The following LY9 variants were observed in gnomAD, a reference collection of about 807,000 sequenced individuals.
LY9 encodes T-lymphocyte surface antigen Ly-9.
In LY9, 59 loss-of-function variants were observed where a neutral mutation model predicts 64.6. The observed-to-expected ratio is 0.91, with a 90% confidence interval of 0.74 to 1.13. The LOEUF (loss-of-function observed/expected upper bound fraction) is 1.13. Ranked by LOEUF, LY9 falls within the 50% of genes most tolerant of loss-of-function variation. The pLI is 0.00. For missense variants in LY9, 789 were observed against 797.2 expected (o/e 0.99, Z 0.12); for synonymous variants, 281 against 308.5 (o/e 0.91, Z 0.93).
chr1:160,813,505 A>T (rs1261043910), intron 2 of LY9, 131 bp from the exon 3 acceptor site: 18 of 804,792 alleles, frequency 2.2e-5, no homozygotes, highest in Non-Finnish European at 3.3e-5. Context: ...TGCAGAGAAG[A>T]TGTCCCTGCG....
At chr1:160,811,357 C>T (rs899312979) in intron 2 of LY9, 1 of 152,238 alleles carries the variant, frequency 6.6e-6, no homozygotes, top group African/African-American at 2.4e-5. Context: ...AATCTCATAA[C>T]CTCTTTAGCA....
chr1:160,805,908 G>A (rs910367187), intron 2 of LY9, among the ~76,000 whole-genome samples: 1 of 144,424 alleles, frequency 6.9e-6, no homozygotes, highest in African/African-American at 2.6e-5. Flanking sequence ...TTACATAATG[G>A]CATTCTTTGT....
Position 160,801,722 on chromosome 1 carries a change from G to T in LY9, c.454+1640G>T. The T allele has an allele frequency of 2.4e-6, 3 of 1,261,672 alleles. No homozygotes were observed. The South Asian group carries it at 3.7e-5, about 15-fold the overall frequency. The allele number at this position is 1,261,672 out of a possible 1,614,324, so 78.2% of individuals were successfully genotyped here. On this transcript the variant is annotated intron_variant, in intron 2 of 9. Coordinates refer to ENST00000263285, the MANE Select transcript of LY9 (RefSeq NM_002348.4). The stretch of plus-strand genomic sequence containing the variant: ...AAGTCTTTTAACTGATTTTGAGGAG[G>T]TTTTTTATATGATGAGAAATAGGGG...
At chr1:160,818,348 C>A (rs764960027) in intron 6 of LY9, 29 bp downstream of exon 6, 31 of 1,526,864 alleles carry the variant, frequency 2.0e-5, no homozygotes, top group Non-Finnish European at 2.7e-5. Context: ...TGTTGTCCGC[C>A]AGTGCTAGGC....
At chr1:160,827,671 C>T in intron 9 of LY9, 77 bp from the exon 10 acceptor site, 1 of 1,178,580 alleles carries the variant, frequency 8.5e-7, no homozygotes, top group Non-Finnish European at 1.2e-6. Flanking sequence ...ATAGCCTGGC[C>T]TTGCCTTCCT....
rs765047414 is a variant in LY9 at position 160,823,687 on chromosome 1, A to G, written c.1721A>G (p.Asp574Gly). 17 of 1,613,816 alleles carry G rather than the reference A, an allele frequency of 1.1e-5. 1 individual carries two copies. In the African/African-American group the frequency reaches 2.3e-4, roughly 22 times the overall value. Residue 574 changes from aspartate to glycine, a missense_variant, in exon 8 of 10, where the codon GAC becomes GGC. Physicochemically the swap from Asp to Gly is moderately conservative, Grantham distance 94 (BLOSUM62 -1). Transcript: ENST00000263285. ...GTCACTCAGGAGGGCGCTGGACATG[A>G]CCCAGCCCCTGAGGGCCAAGCAGAC... ...DQVTQEGAGH[D>G]PAPEGQADYD... is the part of the protein sequence containing the mutation.
rs759183419 is a variant in LY9 at position 160,813,750 on chromosome 1, G to T, written c.569G>T (p.Ser190Ile). The change falls in exon 3 of 10, where the codon AGC (serine) becomes ATC (isoleucine). Residue 190 changes from serine to isoleucine, a missense_variant. By Grantham distance (142) the Ser-to-Ile change is moderately radical (BLOSUM62 -2). Transcript: ENST00000263285. ...GGGGCAGAGAAAAGTGTTCTGTACA[G>T]CTGGACCCCAAGGGAACCCCATGCT... ...VKGAEKSVLY[S>I]WTPREPHASE... 1.9e-6 allele frequency: 3 copies of T among 1,614,182 alleles called. No individual in the cohort carries two copies. The East Asian group carries it at 6.7e-5, about 36-fold the overall frequency.
rs143300122 is a variant in LY9 at position 160,823,562 on chromosome 1, C to T, written c.1596C>T (p.Thr532=). Residue 532 remains threonine (T), a synonymous_variant, in exon 8 of 10, where the codon ACC becomes ACT. Coordinates refer to ENST00000263285, the MANE Select transcript of LY9 (RefSeq NM_002348.4). ...CTGCCAGGCAACAGCCTACACCCAC[C>T]TCAGACAGCAGCTCTGACAGCAACC... ...LRPARQQPTP[T]SDSSSDSNLT... is the part of the protein sequence containing the mutation. 5.1e-5 allele frequency: 82 copies of T among 1,614,188 alleles called. No individual in the cohort carries two copies. The African/African-American group carries it at 9.3e-4, about 18-fold the overall frequency.
intron 2 of LY9, among the ~76,000 whole-genome samples, chr1:160,801,012 G>T (rs1483090836): frequency 6.6e-6 from 1 of 152,200 alleles, no homozygotes; most frequent in Non-Finnish European, 1.5e-5. Flanking sequence ...GAATAGTGCT[G>T]CAATAAACAT....
intron 2 of LY9, chr1:160,802,208 C>T: frequency 8.7e-7 from 1 of 1,151,528 alleles, no homozygotes; most frequent in Non-Finnish European, 1.1e-6. Flanking sequence ...GGTCTTTCTC[C>T]GCTTGGATTT....
At chr1:160,820,524 G>T (rs535698615) in intron 7 of LY9, among the ~76,000 whole-genome samples, 1 of 152,292 alleles carries the variant, frequency 6.6e-6, no homozygotes, top group Non-Finnish European at 1.5e-5. Flanking sequence ...TGACGATATG[G>T]GCTCTTCTGA....
chr1:160,827,698 T>A (rs1386888169), intron 9 of LY9, 50 bp from the exon 10 acceptor site: 4 of 1,443,172 alleles, frequency 2.8e-6, no homozygotes, highest in South Asian at 2.5e-5. Flanking sequence ...TCAGCCTCAC[T>A]CTTCCAAGGC....
intron 2 of LY9, chr1:160,811,128 G>T (rs1026290096): frequency 2.0e-5 from 3 of 152,258 alleles, no homozygotes; most frequent in African/African-American, 7.2e-5. Flanking sequence ...CCTACCCAAG[G>T]CTTGTGCCCT....
At chr1:160,814,003 GGGGGT>G (rs1667734663) in intron 3 of LY9, 92 bp downstream of exon 3, 3 of 1,376,778 alleles carry the variant, frequency 2.2e-6, no homozygotes, top group Non-Finnish European at 3.0e-6. Flanking sequence ...CAGACACACA[GGGGGT>G]GGGGAAGCAA....
At chr1:160,808,122 C>T (rs1210255603) in intron 2 of LY9, among the ~76,000 whole-genome samples, 1 of 152,200 alleles carries the variant, frequency 6.6e-6, no homozygotes, top group African/African-American at 2.4e-5. Context: ...CAAGCCAGCA[C>T]TAGCTGCAGG....
rs1391551051 is a variant in LY9 at position 160,823,750 on chromosome 1, CTG to C, written c.1787_1788del (p.Val596GlyfsTer46). 10 of 1,614,040 alleles carry C rather than the reference CTG, an allele frequency of 6.2e-6. No individual in the cohort carries two copies. The highest frequency in any genetic ancestry group is 3.3e-5 in the Admixed American group (2 of 59,998). On this transcript the variant is annotated frameshift_variant, in exon 8 of 10. Coordinates refer to ENST00000263285, the MANE Select transcript of LY9 (RefSeq NM_002348.4). LOFTEE classifies it high-confidence loss of function. ...ACTCCATATGTCACGGAAGTTGAGT[CTG>C]TGGTTGGAGAGAACACCATGTATGC...
chr1:160,824,108 C>A, intron 8 of LY9, 73 bp from the exon 9 acceptor site: 5 of 1,594,860 alleles, frequency 3.1e-6, no homozygotes, highest in Non-Finnish European at 4.3e-6. Flanking sequence ...ATCCCCTCTC[C>A]TCAAGGGTTG....
chr1:160,804,430 G>C (rs1020278331), intron 2 of LY9, among the ~76,000 whole-genome samples: 6 of 152,048 alleles, frequency 3.9e-5, no homozygotes, highest in Non-Finnish European at 8.8e-5. Context: ...TGCATCCCTG[G>C]GATAAATCCC....
Position 160,824,244 on chromosome 1 carries a change from C to G in LY9, c.1894C>G (p.Pro632Ala), listed in dbSNP as rs748118581. The part of the protein sequence containing the change: ...SATIYCSIRK[P>A]QVVPPPQQND... ...CACAATCTACTGCTCCATACGGAAA[C>G]CTCAGGTGGTGAGAACTACATTCTC... is the stretch of plus-strand genomic sequence containing the variant. The change falls in exon 9 of 10, where the codon CCT becomes GCT. Residue 632 changes from proline (P) to alanine (A), a missense_variant. Pro to Ala is a conservative substitution (Grantham distance 27). Coordinates refer to ENST00000263285, the MANE Select transcript of LY9 (RefSeq NM_002348.4). The G allele has an allele frequency of 6.2e-7, 1 of 1,614,182 alleles. No homozygotes were observed. The highest frequency in any genetic ancestry group is 8.5e-7 in the Non-Finnish European group (1 of 1,180,020).
Sources: gnomAD v4.1 joint callset for allele counts (sites outside exome capture counted in the v4.1 genomes callset) on GRCh38, gnomAD v4.1.1 for gene constraint, MANE v1.5 for transcripts, NCBI Gene and HGNC (gene_info 2026-07-23, HGNC 2026-07-21) for gene names.